Variants in TNRC6C observed in about 807,000 individuals in gnomAD.
TNRC6C encodes the protein trinucleotide repeat-containing gene 6C protein.
TNRC6C carries 20 observed loss-of-function variants against 153.7 expected under a neutral mutation model. The observed-to-expected ratio is 0.13, with a 90% CI of 0.09 to 0.19. The LOEUF (loss-of-function observed/expected upper bound fraction) is 0.19. Among genes scored for constraint, TNRC6C ranks in the 10% least tolerant of loss-of-function variants. The probability of loss-of-function intolerance (pLI) is 1.00; values close to 1 mark genes in which losing one functional copy is unlikely to be tolerated. For synonymous variants in TNRC6C, 811 were observed against 841.4 expected (o/e 0.96, Z 0.63); for missense variants, 1,987 against 2,172.0 (o/e 0.91, Z 1.69).
intron 7 of TNRC6C, 55 bp downstream of exon 9, chr17:78,073,149 C>A: frequency 6.9e-7 from 1 of 1,439,748 alleles, no homozygotes; most frequent in East Asian, 2.5e-5. Context: ...GTTTTACTTT[C>A]CAGAAGCATT....
intron 5 of TNRC6C, 78 bp from the exon 8 acceptor site, chr17:78,071,007 T>C: frequency 7.3e-7 from 1 of 1,373,936 alleles, no homozygotes; most frequent in Non-Finnish European, 1.0e-6. Context: ...ACCCTGAATT[T>C]AGGCTGTCTC....
chr17:78,096,592 CA>C (rs1471622457), intron 16 of TNRC6C, among the ~76,000 whole-genome samples: 1 of 152,238 alleles, frequency 6.6e-6, no homozygotes. Flanking sequence ...ATTCACTGCA[CA>C]ACGCCATGTG....
chr17:78,039,697 C>T (rs1405763170), intron 2 of TNRC6C, among the ~76,000 whole-genome samples: 1 of 152,196 alleles, frequency 6.6e-6, no homozygotes, highest in African/African-American at 2.4e-5. Context: ...CACAGGCTTG[C>T]ACACAAGGGC....
rs183107747 is a variant in TNRC6C at position 78,021,646 on chromosome 17, T to G, written c.-545-9870T>G. Among the ~76,000 whole-genome samples, 642 of 152,322 alleles carry G rather than the reference T, an allele frequency of 4.2e-3. 16 individuals are homozygous for G. Among genetic ancestry groups the G allele is most frequent in the Non-Finnish European group, 1.1e-3 (77 of 68,026 alleles). On this transcript the variant is annotated intron_variant, in intron 1 of 19. Transcript: ENST00000301624. The stretch of plus-strand genomic sequence containing the variant: ...GTGCGATGGCGCAGTCTCGGCTCAC[T>G]GCAACCTCTGCCTCCCTGGCTCAAG...
At chr17:78,069,124 A>G (rs1443387809) in intron 5 of TNRC6C, among the ~76,000 whole-genome samples, 1 of 152,214 alleles carries the variant, frequency 6.6e-6, no homozygotes, top group Non-Finnish European at 1.5e-5. Flanking sequence ...AGTCAAAAGA[A>G]AAATAGCAAA....
chr17:77,996,932 G>C (rs1198826595), intron 1 of TNRC6C, among the ~76,000 whole-genome samples: 1 of 152,168 alleles, frequency 6.6e-6, no homozygotes, highest in Admixed American at 6.5e-5. Context: ...GAGTGGCAGA[G>C]TAACAGACAG....
At chr17:78,100,228 C>T (rs932826528) in intron 17 of TNRC6C, among the ~76,000 whole-genome samples, 1 of 152,236 alleles carries the variant, frequency 6.6e-6, no homozygotes, top group African/African-American at 2.4e-5. Context: ...CATAGCTCTA[C>T]TAGGTGGTGC....
chr17:78,082,855 T>C (rs1373717768), intron 10 of TNRC6C, among the ~76,000 whole-genome samples, 192 bp from the exon 13 acceptor site: 1 of 152,200 alleles, frequency 6.6e-6, no homozygotes, highest in East Asian at 1.9e-4. Context: ...TTGCATTGTC[T>C]TTACACAGTC....
rs186710361 is a variant in TNRC6C, at chr17:78,015,281, C to T, written c.-546+10202C>T. On this transcript the variant is annotated intron_variant, in intron 1 of 19. Coordinates refer to ENST00000301624, the Ensembl canonical transcript of TNRC6C. ...ATAGGACATATCATCTATTCAATAA[C>T]GTCCTGTTGACAGAGGTGGAGCATG... Among the ~76,000 whole-genome samples the T allele has an allele frequency of 1.4e-3, 215 of 152,248 alleles. 1 individual carries two copies. Among genetic ancestry groups the T allele is most frequent in the Non-Finnish European group, 2.5e-3 (170 of 68,028 alleles).
chr17:78,050,871 G>C, exon 3 of TNRC6C: 3 of 1,613,948 alleles, frequency 1.9e-6, no homozygotes, highest in Non-Finnish European at 2.5e-6. Flanking sequence ...CAGATTCATC[G>C]TCTGTCCTTG....
exon 14 of TNRC6C, chr17:78,091,578 C>T: frequency 6.3e-7 from 1 of 1,577,042 alleles, no homozygotes; most frequent in Non-Finnish European, 8.6e-7. Flanking sequence ...AGTGCCGCTT[C>T]CCCCCTGGAG....
chr17:78,093,340 A>G, intron 15 of TNRC6C: 1 of 671,572 alleles, frequency 1.5e-6, no homozygotes, highest in East Asian at 2.7e-5. Context: ...GTTCAGCATG[A>G]GGAGTGGAAG....
At chr17:78,093,826 A>G (rs2073434840) in intron 16 of TNRC6C, 63 bp downstream of exon 18, 1 of 1,590,820 alleles carries the variant, frequency 6.3e-7, no homozygotes, top group Non-Finnish European at 8.6e-7. Context: ...TGGAGATGTC[A>G]GGGGTGACAG....
intron 13 of TNRC6C, among the ~76,000 whole-genome samples, chr17:78,089,936 G>A (rs1265046107): frequency 6.6e-6 from 1 of 152,164 alleles, no homozygotes; most frequent in African/African-American, 2.4e-5. Flanking sequence ...GGGGAAAGTT[G>A]GGAGAGATGG....
At chr17:78,050,524 A>T in exon 3 of TNRC6C, 1 of 1,614,018 alleles carries the variant, frequency 6.2e-7, no homozygotes, top group Non-Finnish European at 8.5e-7. Flanking sequence ...TCAGGCTTCA[A>T]ACTCAGGGGG....
exon 5 of TNRC6C, chr17:78,067,841 A>G: frequency 6.2e-7 from 1 of 1,613,928 alleles, no homozygotes; most frequent in Non-Finnish European, 8.5e-7. Flanking sequence ...GAAGAAGGGG[A>G]CGTGTGGAAT....
At chr17:78,077,491 G>A in intron 9 of TNRC6C, 157 bp downstream of exon 11, 1 of 937,430 alleles carries the variant, frequency 1.1e-6, no homozygotes, top group Non-Finnish European at 1.6e-6. Context: ...CCCTTCAGGT[G>A]ACTTACTGGA....
At chr17:78,055,119 A>G (rs1220261172) in intron 3 of TNRC6C, among the ~76,000 whole-genome samples, 1 of 152,242 alleles carries the variant, frequency 6.6e-6, no homozygotes, top group Non-Finnish European at 1.5e-5. Flanking sequence ...TACATTTATT[A>G]AAAGATTAAA....
chr17:77,968,310 G>T (rs1322700306), intron 1 of TNRC6C, among the ~76,000 whole-genome samples: 1 of 151,790 alleles, frequency 6.6e-6, no homozygotes, highest in Non-Finnish European at 1.5e-5. Flanking sequence ...GGGATTACAG[G>T]CGTCAGCCAC....
Sources: allele counts gnomAD v4.1 joint callset (sites outside exome capture counted in the v4.1 genomes callset), GRCh38; gene constraint gnomAD v4.1.1; transcripts MANE v1.5; gene names NCBI Gene and HGNC (gene_info 2026-07-23, HGNC 2026-07-21).